Variants in CCDC178 observed in about 807,000 individuals in gnomAD.
CCDC178 encodes coiled-coil domain-containing protein 178.
In CCDC178, 126 loss-of-function variants were observed where a neutral mutation model predicts 117.4. The ratio of observed to expected loss-of-function variants is 1.07; its 90% CI spans 0.93 to 1.24. The LOEUF is 1.24. CCDC178 is among the 50% of genes most tolerant of loss of function. The probability of loss-of-function intolerance (pLI) is 0.00; values close to 1 mark genes in which losing one functional copy is unlikely to be tolerated. For synonymous variants in CCDC178, 283 were observed against 313.4 expected, an observed-to-expected ratio of 0.90 and a Z score of 1.02; for missense variants, 1,030 against 986.9, an observed-to-expected ratio of 1.04 and a Z score of -0.59.
chr18:33,091,099 A>G (rs980172234), intron 21 of CCDC178, among the ~76,000 whole-genome samples: 11 of 152,180 alleles, frequency 7.2e-5, no homozygotes, highest in Non-Finnish European at 1.5e-4. Flanking sequence ...CGATTAGAAA[A>G]GGAAATACAG....
At chr18:33,264,485 G>A (rs1183248712) in intron 14 of CCDC178, among the ~76,000 whole-genome samples, 2 of 151,808 alleles carry the variant, frequency 1.3e-5, no homozygotes, top group South Asian at 2.1e-4. Context: ...CATGTAATCC[G>A]CTGTTAAAAA....
chr18:33,357,201 T>C (rs1356917249), intron 6 of CCDC178, among the ~76,000 whole-genome samples: 1 of 152,032 alleles, frequency 6.6e-6, no homozygotes. Flanking sequence ...CTAAAATGTA[T>C]AAAATCAAGC....
chr18:33,142,677 T>A (rs929334518), intron 20 of CCDC178, among the ~76,000 whole-genome samples: 18 of 152,148 alleles, frequency 1.2e-4, no homozygotes, highest in African/African-American at 4.3e-4. Context: ...AGCAGATGTA[T>A]CAAGACCAGA....
intron 20 of CCDC178, among the ~76,000 whole-genome samples, chr18:33,190,564 A>G (rs2058845217): frequency 6.6e-6 from 1 of 152,218 alleles, no homozygotes; most frequent in East Asian, 1.9e-4. Context: ...GAAACCAGTC[A>G]ATGAAAAAAG....
intron 20 of CCDC178, among the ~76,000 whole-genome samples, chr18:33,164,357 G>T (rs1328840385): frequency 6.6e-6 from 1 of 151,718 alleles, no homozygotes; most frequent in Non-Finnish European, 1.5e-5. Flanking sequence ...CAGGTGATCC[G>T]CCAACCTCGG....
intron 20 of CCDC178, among the ~76,000 whole-genome samples, chr18:33,131,119 A>G (rs1425400533): frequency 6.6e-6 from 1 of 151,844 alleles, no homozygotes; most frequent in Non-Finnish European, 1.5e-5. Flanking sequence ...AAATTATTTC[A>G]TTGATGTTTT....
At chr18:33,278,947 A>C (rs1271711495) in intron 12 of CCDC178, among the ~76,000 whole-genome samples, 1 of 152,152 alleles carries the variant, frequency 6.6e-6, no homozygotes, top group African/African-American at 2.4e-5. Flanking sequence ...TATTGATGGG[A>C]TGTATCTCAA....
chr18:33,033,581 A>G (rs572705119), intron 21 of CCDC178, among the ~76,000 whole-genome samples: 4 of 152,060 alleles, frequency 2.6e-5, no homozygotes, highest in South Asian at 2.1e-4. Flanking sequence ...AAATATTCAA[A>G]CTTTCCCAAC....
At chr18:33,224,344 T>G (rs2059275168) in intron 17 of CCDC178, among the ~76,000 whole-genome samples, 1 of 152,186 alleles carries the variant, frequency 6.6e-6, no homozygotes, top group Non-Finnish European at 1.5e-5. Flanking sequence ...TTGAAAATAT[T>G]TTATCAACAT....
Position 33,267,202 on chromosome 18 carries a change from T to C in CCDC178, c.1272A>G (p.Ala424=), listed in dbSNP as rs1210747422. The C allele has an allele frequency of 6.3e-7, 1 of 1,588,990 alleles. No homozygotes were observed. The highest frequency in any genetic ancestry group is 1.9e-5 in the Admixed American group (1 of 52,610). ...YLEAVNDFYA[A]KKTWDIELSD... is the part of the protein sequence containing the mutation. ...GGGAAGTAGGAAAAAATCAACTTAC[T>C]GCAGCATAAAAATCATTAACTGCTT... Residue 424 remains alanine (A), a splice_region_variant and synonymous_variant, in exon 13 of 23, where the codon GCA becomes GCG. Coordinates refer to ENST00000383096, the MANE Select transcript of CCDC178 (RefSeq NM_001105528.4).
intron 7 of CCDC178, among the ~76,000 whole-genome samples, chr18:33,355,142 C>A (rs1268275826): frequency 6.6e-6 from 1 of 152,080 alleles, no homozygotes; most frequent in African/African-American, 2.4e-5. Flanking sequence ...GCTTTCTTTT[C>A]TTTGCATTCT....
At chr18:33,422,074 G>A (rs974651982) in intron 2 of CCDC178, among the ~76,000 whole-genome samples, 2 of 152,066 alleles carry the variant, frequency 1.3e-5, no homozygotes, top group Non-Finnish European at 1.5e-5. Flanking sequence ...TCCTCTACTG[G>A]TTTCTTATTC....
rs143847472 is a variant in CCDC178, at chr18:33,194,518, T to G, written c.2238+17378A>C. Among the ~76,000 whole-genome samples, 79 of 152,274 alleles carry G rather than the reference T, an allele frequency of 5.2e-4. No homozygotes were observed. In the East Asian group the frequency reaches 0.014, roughly 28 times the overall value. On this transcript the variant is annotated intron_variant, in intron 20 of 22. Transcript: ENST00000383096. ...TACTAGTGACTTCACATTCACCAAC[T>G]CTAATTTCTGAACACACACCACACT...
chr18:32,939,112 G>A (rs989081627), intron 22 of CCDC178, among the ~76,000 whole-genome samples: 12 of 152,038 alleles, frequency 7.9e-5, no homozygotes, highest in African/African-American at 2.9e-4. Flanking sequence ...ATGTCTGGAT[G>A]TCACAATACC....
chr18:33,205,890 T>C (rs993309452), intron 20 of CCDC178, among the ~76,000 whole-genome samples: 10 of 152,166 alleles, frequency 6.6e-5, no homozygotes, highest in Non-Finnish European at 1.5e-4. Context: ...TGACAGGGTT[T>C]CACTATGTTG....
chr18:33,059,961 C>T (rs1169168856), intron 21 of CCDC178, among the ~76,000 whole-genome samples: 1 of 152,156 alleles, frequency 6.6e-6, no homozygotes, highest in East Asian at 1.9e-4. Context: ...TTTCCAAACT[C>T]TTTGGGATGC....
intron 20 of CCDC178, among the ~76,000 whole-genome samples, chr18:33,204,911 A>G (rs1296083654): frequency 6.6e-6 from 1 of 152,150 alleles, no homozygotes; most frequent in Non-Finnish European, 1.5e-5. Flanking sequence ...TAAGAAAGCC[A>G]TAATTCTTAG....
chr18:33,396,783 G>C (rs2063643265), intron 4 of CCDC178, among the ~76,000 whole-genome samples: 1 of 152,102 alleles, frequency 6.6e-6, no homozygotes, highest in Admixed American at 6.6e-5. Context: ...ATAAAGAATT[G>C]TTCAGGAGAG....
At chr18:32,980,970 A>G (rs940465551) in intron 21 of CCDC178, among the ~76,000 whole-genome samples, 1 of 152,192 alleles carries the variant, frequency 6.6e-6, no homozygotes, top group African/African-American at 2.4e-5. Context: ...TATAGTAAAA[A>G]TTTGGAAACA....
Sources: gnomAD v4.1 joint callset for allele counts (sites outside exome capture counted in the v4.1 genomes callset) on GRCh38, gnomAD v4.1.1 for gene constraint, MANE v1.5 for transcripts, NCBI Gene and HGNC (gene_info 2026-07-23, HGNC 2026-07-21) for gene names.